Variants in ZDHHC21 observed in about 807,000 individuals in gnomAD.
ZDHHC21 encodes the protein palmitoyltransferase ZDHHC21.
In ZDHHC21, 15 loss-of-function variants were observed where a neutral mutation model predicts 34.6. The observed-to-expected ratio is 0.43, with a 90% CI of 0.29 to 0.67. The LOEUF (loss-of-function observed/expected upper bound fraction) is 0.67. Ranked by LOEUF, ZDHHC21 falls within the 30% of genes least tolerant of loss-of-function variation. ZDHHC21 has a pLI of 0.14. For synonymous variants in ZDHHC21, 142 were observed against 101.8 expected (o/e 1.40, Z -2.38); for missense variants, 344 against 327.7 (o/e 1.05, Z -0.38).
At chr9:14,619,224 T>A in intron 9 of ZDHHC21, 126 bp from the exon 10 acceptor site, 2 of 1,046,868 alleles carry the variant, frequency 1.9e-6, no homozygotes, top group Non-Finnish European at 1.3e-6. Flanking sequence ...GCATCATAAA[T>A]ACAGCTTTTC....
At chr9:14,593,400 G>C in the ZDHHC21 span, among the ~76,000 whole-genome samples, 1 of 152,142 alleles carries the variant, frequency 6.6e-6, no homozygotes, top group Non-Finnish European at 1.5e-5. Flanking sequence ...GTGAATAAAA[G>C]AGACGAATTC....
intron 2 of ZDHHC21, among the ~76,000 whole-genome samples, chr9:14,682,715 T>C (rs188397247): frequency 2.6e-5 from 4 of 152,048 alleles, no homozygotes; most frequent in Non-Finnish European, 5.9e-5. Flanking sequence ...ACTCTCCACC[T>C]CAAATCAACA....
At chr9:14,627,206 A>C (rs1344033987) in intron 8 of ZDHHC21, among the ~76,000 whole-genome samples, 1 of 152,156 alleles carries the variant, frequency 6.6e-6, no homozygotes, top group East Asian at 1.9e-4. Context: ...GATTCGTAAA[A>C]TGCTGTTTAC....
At chr9:14,659,428 T>C (rs1376480171) in intron 6 of ZDHHC21, among the ~76,000 whole-genome samples, 3 of 152,192 alleles carry the variant, frequency 2.0e-5, no homozygotes, top group Non-Finnish European at 4.4e-5. Context: ...TCAAAACTAT[T>C]TATAAATACA....
At chr9:14,647,360 G>C (rs1356017360) in intron 7 of ZDHHC21, among the ~76,000 whole-genome samples, 1 of 152,068 alleles carries the variant, frequency 6.6e-6, no homozygotes, top group Non-Finnish European at 1.5e-5. Context: ...CTTGATCTGT[G>C]AATTCCTTCA....
In ZDHHC21 at chr9:14,612,841, A is replaced by G. The variant is rs1266690575; in HGVS notation, c.*6125T>C. 3.2e-5 allele frequency: 3 copies of G among 93,358 alleles called. No homozygotes were observed. Among genetic ancestry groups the G allele is most frequent in the Admixed American group, 1.3e-4 (1 of 7,910 alleles). The allele number at this position is 93,358 out of a possible 1,614,324, so 5.8% of individuals were successfully genotyped here. On this transcript the variant is annotated 3_prime_UTR_variant, in exon 10 of 10. Coordinates refer to ENST00000380916, the MANE Select transcript of ZDHHC21 (RefSeq NM_178566.6). ...ATATTATTCTTTAAAGCCACTAAAG[A>G]TTACACACACACACACACACACACA...
rs1835535058 is a variant in ZDHHC21, at chr9:14,671,958, A to G, written c.253+872T>C. On this transcript the variant is annotated intron_variant, in intron 5 of 9. Coordinates refer to ENST00000380916, the MANE Select transcript of ZDHHC21 (RefSeq NM_178566.6). Reference sequence around the variant, plus strand: ...AACAATTCAAGTAATATAAACAAACATGTAACTATTTCATTTGACTGTTTC... The same window carrying G: ...AACAATTCAAGTAATATAAACAAACGTGTAACTATTTCATTTGACTGTTTC... Among the ~76,000 whole-genome samples the G allele has an allele frequency of 2.0e-5, 3 of 152,110 alleles. No homozygotes were observed. The East Asian group carries it at 5.8e-4, about 29-fold the overall frequency.
In ZDHHC21 at chr9:14,611,818, C is replaced by T. The variant is rs1586834016; in HGVS notation, c.*7148G>A. Reference sequence around the variant, plus strand: ...CCTCCCGTGTTAGACTCACAATTCACTTGTCGGAATATCTCTGATTCTGGT... The same window carrying T: ...CCTCCCGTGTTAGACTCACAATTCATTTGTCGGAATATCTCTGATTCTGGT... On this transcript the variant is annotated 3_prime_UTR_variant, in exon 10 of 10. Transcript: ENST00000380916. The T allele has an allele frequency of 6.6e-6, 1 of 152,038 alleles. No homozygotes were observed. Among genetic ancestry groups the T allele is most frequent in the Admixed American group, 6.6e-5 (1 of 15,224 alleles). The allele number at this position is 152,038 out of a possible 1,614,324, so 9.4% of individuals were successfully genotyped here.
intron 9 of ZDHHC21, 119 bp from the exon 10 acceptor site, chr9:14,619,217 T>A: frequency 2.8e-6 from 3 of 1,087,302 alleles, no homozygotes; most frequent in Non-Finnish European, 3.8e-6. Flanking sequence ...TGTCCCAGCA[T>A]CATAAATACA....
intron 8 of ZDHHC21, among the ~76,000 whole-genome samples, chr9:14,623,070 T>C (rs977818471): frequency 6.6e-6 from 1 of 150,814 alleles, no homozygotes; most frequent in East Asian, 2.0e-4. Flanking sequence ...CCTATGAAAC[T>C]ACTGGAAGAA....
intron 8 of ZDHHC21, among the ~76,000 whole-genome samples, chr9:14,627,413 A>T (rs1224053086): frequency 2.0e-5 from 3 of 152,172 alleles, no homozygotes; most frequent in Non-Finnish European, 2.9e-5. Flanking sequence ...AAAAGCTTTG[A>T]TTTAAGCTAT....
intron 2 of ZDHHC21, among the ~76,000 whole-genome samples, chr9:14,684,588 G>A (rs1837975449): frequency 6.6e-6 from 1 of 151,674 alleles, no homozygotes; most frequent in Admixed American, 6.6e-5. Context: ...CCATGCTCAT[G>A]GGTAGGAAGA....
At chr9:14,633,225 C>T (rs1397333961) in intron 8 of ZDHHC21, among the ~76,000 whole-genome samples, 1 of 152,052 alleles carries the variant, frequency 6.6e-6, no homozygotes, top group Non-Finnish European at 1.5e-5. Context: ...CACTGGAAAT[C>T]AACAGAGAAG....
At chr9:14,639,796 T>A in intron 8 of ZDHHC21, 100 bp downstream of exon 8, 1 of 650,312 alleles carries the variant, frequency 1.5e-6, no homozygotes, top group Non-Finnish European at 2.4e-6. Context: ...CATGGGTAAT[T>A]TTCTCCTTTG....
At chr9:14,691,038 C>G (rs1168831114) in intron 1 of ZDHHC21, among the ~76,000 whole-genome samples, 1 of 152,170 alleles carries the variant, frequency 6.6e-6, no homozygotes, top group Non-Finnish European at 1.5e-5. Context: ...ATAAAAACAG[C>G]CTTTCCTCTG....
chr9:14,648,630 C>T (rs1392509237), intron 7 of ZDHHC21, among the ~76,000 whole-genome samples: 1 of 152,060 alleles, frequency 6.6e-6, no homozygotes, highest in Non-Finnish European at 1.5e-5. Flanking sequence ...CGTCATAATA[C>T]TCATATTGTT....
At chr9:14,627,903 C>T (rs923438874) in intron 8 of ZDHHC21, among the ~76,000 whole-genome samples, 7 of 152,050 alleles carry the variant, frequency 4.6e-5, no homozygotes, top group African/African-American at 1.7e-4. Flanking sequence ...AATAACATCA[C>T]TATCCATTTG....
Position 14,619,240 on chromosome 9 carries a change from T to C in ZDHHC21, c.666-142A>G, listed in dbSNP as rs886780986. On this transcript the variant is annotated intron_variant, in intron 9 of 9. Coordinates refer to ENST00000380916, the MANE Select transcript of ZDHHC21 (RefSeq NM_178566.6). ...CATCATAAATACAGCTTTTCTTTCA[T>C]TATGGCATGCAGCTGAGTTTTAACT... 5 of 936,232 alleles carry C rather than the reference T, an allele frequency of 5.3e-6. No individual in the cohort carries two copies. The East Asian group carries it at 8.7e-5, about 16-fold the overall frequency. The allele number at this position is 936,232 out of a possible 1,614,324, so 58.0% of individuals were successfully genotyped here.
chr9:14,660,078 T>C (rs185688650), intron 6 of ZDHHC21, among the ~76,000 whole-genome samples: 1 of 152,118 alleles, frequency 6.6e-6, no homozygotes, highest in Non-Finnish European at 1.5e-5. Flanking sequence ...TTAGAAAGAA[T>C]GATCAGGCCA....
Sources: gnomAD v4.1 joint callset for allele counts (sites outside exome capture counted in the v4.1 genomes callset) on GRCh38, gnomAD v4.1.1 for gene constraint, MANE v1.5 for transcripts, NCBI Gene and HGNC (gene_info 2026-07-23, HGNC 2026-07-21) for gene names.